ITFG1: variants seen among roughly 807,000 people sequenced by gnomAD.
ITFG1 encodes the protein integrin alpha FG-GAP repeat containing 1, also known as T-cell immunomodulatory protein.
A neutral mutation model predicts 81.8 loss-of-function variants in ITFG1; 34 were observed. The observed-to-expected ratio is 0.42, with a 90% CI of 0.32 to 0.55. ITFG1 has a LOEUF of 0.55. Among genes scored for constraint, ITFG1 ranks in the 20% least tolerant of loss-of-function variants. The pLI, the probability that ITFG1 is intolerant of heterozygous loss-of-function variation, is 0.17. For synonymous variants in ITFG1, 285 were observed against 270.6 expected, an observed-to-expected ratio of 1.05 and a Z score of -0.52; for missense variants, 672 against 755.4, an observed-to-expected ratio of 0.89 and a Z score of 1.29.
intron 10 of ITFG1, among the ~76,000 whole-genome samples, chr16:47,306,780 CA>C (rs1967166712): frequency 6.6e-6 from 1 of 151,846 alleles, no homozygotes; most frequent in Admixed American, 6.6e-5. Context: ...AACAAAAACA[CA>C]GACATGACTG....
chr16:47,277,820 A>C (rs960963370), intron 10 of ITFG1, among the ~76,000 whole-genome samples: 1 of 152,130 alleles, frequency 6.6e-6, no homozygotes, highest in Non-Finnish European at 1.5e-5. Context: ...TATGCTACTA[A>C]ATTTCTTATT....
At chr16:47,434,355 A>T (rs1969137943) in intron 5 of ITFG1, among the ~76,000 whole-genome samples, 1 of 151,906 alleles carries the variant, frequency 6.6e-6, no homozygotes, top group Non-Finnish European at 1.5e-5. Context: ...ACAAATTTAC[A>T]AGAAAAAAAA....
chr16:47,402,860 CAT>C (rs1968679264), intron 6 of ITFG1, among the ~76,000 whole-genome samples: 1 of 152,102 alleles, frequency 6.6e-6, no homozygotes. Context: ...CTTTTAAACA[CAT>C]GGGAAAAGAA....
At chr16:47,403,761 T>TACACACACACACACACACAC (rs55978309) in intron 6 of ITFG1, among the ~76,000 whole-genome samples, 2 of 133,236 alleles carry the variant, frequency 1.5e-5, no homozygotes, top group East Asian at 2.2e-4. Context: ...TCTCTCTTGG[T>TACACACACACACACACACAC]ACACACACAC....
chr16:47,163,768 A>G (rs1196452502), intron 14 of ITFG1, among the ~76,000 whole-genome samples: 3 of 152,232 alleles, frequency 2.0e-5, no homozygotes, highest in African/African-American at 4.8e-5. Context: ...CACATCCTCA[A>G]TAACACTTTT....
At chr16:47,371,760 A>G (rs1358975739) in intron 7 of ITFG1, among the ~76,000 whole-genome samples, 2 of 152,116 alleles carry the variant, frequency 1.3e-5, no homozygotes, top group Non-Finnish European at 2.9e-5. Flanking sequence ...GTTACTATGA[A>G]CTAGTGAGAA....
At chr16:47,300,195 C>T (rs759328200) in intron 10 of ITFG1, among the ~76,000 whole-genome samples, 1 of 152,240 alleles carries the variant, frequency 6.6e-6, no homozygotes, top group Non-Finnish European at 1.5e-5. Context: ...TCCTGGCCCA[C>T]TCTGGTCAAA....
chr16:47,421,095 A>C (rs1409638105), intron 6 of ITFG1, among the ~76,000 whole-genome samples: 1 of 151,980 alleles, frequency 6.6e-6, no homozygotes, highest in Non-Finnish European at 1.5e-5. Flanking sequence ...GTTTTCACGG[A>C]ATATCTCTTT....
At chr16:47,330,622 A>T (rs1967624135) in intron 8 of ITFG1, among the ~76,000 whole-genome samples, 1 of 152,134 alleles carries the variant, frequency 6.6e-6, no homozygotes, top group Non-Finnish European at 1.5e-5. Context: ...ACTTAAGCAA[A>T]TCAACAAAAA....
chr16:47,405,867 T>G (rs1968721648), intron 6 of ITFG1, among the ~76,000 whole-genome samples: 1 of 152,184 alleles, frequency 6.6e-6, no homozygotes, highest in African/African-American at 2.4e-5. Flanking sequence ...TTTCCTGGAT[T>G]AAGTCCTGGT....
intron 6 of ITFG1, 52 bp downstream of exon 6, chr16:47,428,752 T>A (rs1969055328): frequency 2.8e-6 from 3 of 1,061,400 alleles, no homozygotes; most frequent in Non-Finnish European, 1.5e-6. Flanking sequence ...GTAAATAAAA[T>A]CCCATACTTC....
intron 12 of ITFG1, among the ~76,000 whole-genome samples, chr16:47,239,556 G>C (rs1965911187): frequency 6.6e-6 from 1 of 151,930 alleles, no homozygotes; most frequent in South Asian, 2.1e-4. Flanking sequence ...AGTATGTAAG[G>C]TAAAAGGCAC....
At chr16:47,159,928 C>T (rs919369304) in intron 16 of ITFG1, among the ~76,000 whole-genome samples, 6 of 151,750 alleles carry the variant, frequency 4.0e-5, no homozygotes, top group African/African-American at 1.5e-4. Flanking sequence ...TTATTATGTA[C>T]ATAAATTTGA....
intron 6 of ITFG1, among the ~76,000 whole-genome samples, chr16:47,383,937 A>G (rs761328702): frequency 6.6e-6 from 1 of 152,220 alleles, no homozygotes; most frequent in East Asian, 1.9e-4. Flanking sequence ...GTCAGTTTAT[A>G]CTGATGTTAA....
chr16:47,185,545 G>C (rs1965199855), intron 14 of ITFG1, among the ~76,000 whole-genome samples: 1 of 152,132 alleles, frequency 6.6e-6, no homozygotes, highest in Non-Finnish European at 1.5e-5. Context: ...CAGAAATAAA[G>C]ATGTTCTTTG....
At chr16:47,179,884 T>G (rs755415068) in intron 14 of ITFG1, among the ~76,000 whole-genome samples, 2 of 152,230 alleles carry the variant, frequency 1.3e-5, no homozygotes, top group Non-Finnish European at 1.5e-5. Context: ...AAACGACGGT[T>G]GTCCTCTTTT....
At chr16:47,331,353 C>T (rs984217595) in intron 8 of ITFG1, among the ~76,000 whole-genome samples, 18 of 152,036 alleles carry the variant, frequency 1.2e-4, no homozygotes, top group Non-Finnish European at 2.4e-4. Context: ...AGGGCAAGGG[C>T]TGAAAAACTT....
chr16:47,263,153 AT>A (rs1721536923), intron 10 of ITFG1: 1 of 295,190 alleles, frequency 3.4e-6, no homozygotes. Context: ...GTACAAAGGC[AT>A]GGGGCTGTCC....
chr16:47,184,205 C>T (rs964856096), intron 14 of ITFG1, among the ~76,000 whole-genome samples: 1 of 152,170 alleles, frequency 6.6e-6, no homozygotes, highest in Non-Finnish European at 1.5e-5. Context: ...AAACATTCTG[C>T]AGGATATTAT....
Sources: allele counts gnomAD v4.1 joint callset (sites outside exome capture counted in the v4.1 genomes callset), GRCh38; gene constraint gnomAD v4.1.1; transcripts MANE v1.5; gene names NCBI Gene and HGNC (gene_info 2026-07-23, HGNC 2026-07-21).